FLT1: variants seen among roughly 807,000 people sequenced by gnomAD.
The protein encoded by FLT1 is fms related receptor tyrosine kinase 1, also known as vascular endothelial growth factor receptor 1.
Under a neutral mutation model 156.3 loss-of-function variants are expected in FLT1, and 49 were observed. The observed-to-expected ratio is 0.31, with a 90% CI of 0.25 to 0.40. The LOEUF (loss-of-function observed/expected upper bound fraction) is 0.40. Ranked by LOEUF, FLT1 falls within the 10% of genes least tolerant of loss-of-function variation. The probability of loss-of-function intolerance (pLI) is 1.00; values close to 1 mark genes in which losing one functional copy is unlikely to be tolerated. For synonymous variants in FLT1, 594 were observed against 583.8 expected (o/e 1.02, Z -0.25); for missense variants, 1,322 against 1,637.2 (o/e 0.81, Z 3.32).
At position 28,302,468 on chromosome 13, in the gene FLT1, G is replaced by T. The variant is rs1313700786; in HGVS notation, c.*699C>A. 1 of 233,122 alleles carries T rather than the reference G, an allele frequency of 4.3e-6. No individual in the cohort carries two copies. The highest frequency in any genetic ancestry group is 8.5e-6 in the Non-Finnish European group (1 of 118,060). 14.4% of individuals were successfully genotyped at this position (233,122 alleles called of 1,614,324 possible). On this transcript the variant is annotated 3_prime_UTR_variant, in exon 30 of 30. Coordinates refer to ENST00000282397, the MANE Select transcript of FLT1 (RefSeq NM_002019.4). ...TAAAATTTGCTTTAGTTCCAAAAAA[G>T]ATATTTGTCCTTTTCTTGCCTCCCA...
chr13:28,308,186 T>A (rs1870833902), intron 28 of FLT1, among the ~76,000 whole-genome samples: 1 of 152,168 alleles, frequency 6.6e-6, no homozygotes, highest in African/African-American at 2.4e-5. Flanking sequence ...TCTAGCCAGT[T>A]CCTAGGTCGT....
At chr13:28,411,682 A>G (rs767233726) in intron 10 of FLT1, among the ~76,000 whole-genome samples, 2 of 151,464 alleles carry the variant, frequency 1.3e-5, no homozygotes, top group Non-Finnish European at 2.9e-5. Context: ...GGCCTGTTTT[A>G]TTACAAACTC....
At chr13:28,406,594 C>A (rs1369343041) in intron 10 of FLT1, among the ~76,000 whole-genome samples, 4 of 150,992 alleles carry the variant, frequency 2.6e-5, no homozygotes, top group Admixed American at 2.0e-4. Context: ...ATGTCTTGGG[C>A]AGATTCTACA....
chr13:28,410,984 G>T (rs1876130921), intron 10 of FLT1, among the ~76,000 whole-genome samples: 1 of 152,052 alleles, frequency 6.6e-6, no homozygotes, highest in Admixed American at 6.5e-5. Context: ...GAGAAGTCTG[G>T]CTCAGAGTCA....
intron 20 of FLT1, among the ~76,000 whole-genome samples, chr13:28,323,994 T>C (rs1297341321): frequency 6.6e-6 from 1 of 152,234 alleles, no homozygotes; most frequent in Non-Finnish European, 1.5e-5. Context: ...GCTCTTCCAT[T>C]AATCATGCGA....
At chr13:28,494,569 C>A (rs1167440012) in intron 1 of FLT1, among the ~76,000 whole-genome samples, 1 of 152,210 alleles carries the variant, frequency 6.6e-6, no homozygotes, top group Non-Finnish European at 1.5e-5. Context: ...CGGGTCCAGG[C>A]CAGCCACTCC....
intron 12 of FLT1, chr13:28,396,705 A>T (rs1399983302): frequency 1.7e-6 from 1 of 596,168 alleles, no homozygotes; most frequent in African/African-American, 1.9e-5. Flanking sequence ...AGCATACAAG[A>T]TTCCCAATTC....
At position 28,306,777 on chromosome 13, in the gene FLT1, G is replaced by C. The variant is rs759456690; in HGVS notation, c.3721-5C>G. ...GCTGCTGTCGCCCTGGTAGTCCTAG[G>C]GGGAGAAGGAGAAAGGTTATACTCT... On this transcript the variant is annotated splice_polypyrimidine_tract_variant and splice_region_variant and intron_variant, in intron 28 of 29. Transcript: ENST00000282397. 1.9e-6 allele frequency: 3 copies of C among 1,606,192 alleles called. No homozygotes were observed. The highest frequency in any genetic ancestry group is 1.3e-5 in the African/African-American group (1 of 74,876).
intron 1 of FLT1, among the ~76,000 whole-genome samples, chr13:28,481,460 C>T (rs1880846632): frequency 6.6e-6 from 1 of 151,508 alleles, no homozygotes. Flanking sequence ...CACACACACA[C>T]ACACACACAC....
intron 20 of FLT1, among the ~76,000 whole-genome samples, chr13:28,324,472 C>T (rs1871597586): frequency 6.6e-6 from 1 of 152,220 alleles, no homozygotes; most frequent in South Asian, 2.1e-4. Context: ...GCCAAAAGGG[C>T]ACCAAGGTTC....
At chr13:28,339,434 C>T in intron 16 of FLT1, 134 bp from the exon 17 acceptor site, 2 of 864,198 alleles carry the variant, frequency 2.3e-6, no homozygotes, top group Non-Finnish European at 3.6e-6. Context: ...AAGTACTTCT[C>T]CACATTCACA....
intron 23 of FLT1, among the ~76,000 whole-genome samples, chr13:28,319,759 C>T (rs770383405): frequency 1.3e-5 from 2 of 152,154 alleles, no homozygotes; most frequent in Non-Finnish European, 2.9e-5. Context: ...GTTCAGTAAG[C>T]CCCTCTGATG....
intron 1 of FLT1, among the ~76,000 whole-genome samples, chr13:28,485,450 T>TA (rs1555247024): frequency 1.3e-5 from 2 of 152,068 alleles, no homozygotes; most frequent in Non-Finnish European, 2.9e-5. Flanking sequence ...CTGTTTTATT[T>TA]TTTATTTATT....
intron 17 of FLT1, among the ~76,000 whole-genome samples, chr13:28,337,389 A>G (rs1479206421): frequency 1.3e-5 from 2 of 152,178 alleles, no homozygotes; most frequent in African/African-American, 4.8e-5. Context: ...TTTTCTCTCT[A>G]TCTGGACATA....
At chr13:28,478,780 A>T (rs1206779281) in intron 1 of FLT1, among the ~76,000 whole-genome samples, 1 of 152,240 alleles carries the variant, frequency 6.6e-6, no homozygotes, top group Non-Finnish European at 1.5e-5. Context: ...AAGGCTGGCA[A>T]ACAGGCAGAC....
At chr13:28,384,667 T>C (rs1874247757) in intron 14 of FLT1, among the ~76,000 whole-genome samples, 1 of 152,170 alleles carries the variant, frequency 6.6e-6, no homozygotes, top group South Asian at 2.1e-4. Context: ...GAATAGATTC[T>C]GCAGGATCTT....
chr13:28,341,103 G>A (rs1211354309), intron 16 of FLT1, among the ~76,000 whole-genome samples: 1 of 152,182 alleles, frequency 6.6e-6, no homozygotes, highest in Non-Finnish European at 1.5e-5. Context: ...GGCTCATGCA[G>A]GATGTGTGGG....
At chr13:28,387,654 A>AC (rs1264180967) in intron 13 of FLT1, 17 of 1,060,506 alleles carry the variant, frequency 1.6e-5, no homozygotes, top group East Asian at 1.5e-4. Context: ...CCAGCCTCAC[A>AC]CCCCCTGTTC....
At chr13:28,404,355 T>C (rs1209110863) in intron 11 of FLT1, among the ~76,000 whole-genome samples, 1 of 152,026 alleles carries the variant, frequency 6.6e-6, no homozygotes, top group Non-Finnish European at 1.5e-5. Context: ...GGAAAGACTT[T>C]GGTTTGAGTC....
Sources: gnomAD v4.1 joint callset for allele counts (sites outside exome capture counted in the v4.1 genomes callset) on GRCh38, gnomAD v4.1.1 for gene constraint, MANE v1.5 for transcripts, NCBI Gene and HGNC (gene_info 2026-07-23, HGNC 2026-07-21) for gene names.